ADAM9: variants seen among roughly 807,000 people sequenced by gnomAD.
ADAM9 encodes ADAM metallopeptidase domain 9.
A neutral mutation model predicts 108.1 loss-of-function variants in ADAM9; 54 were observed. That is an observed-to-expected ratio of 0.50 (90% CI 0.40 to 0.63). The LOEUF (loss-of-function observed/expected upper bound fraction) is 0.63, where lower values mean the gene tolerates loss of function less well. Ranked by LOEUF, ADAM9 falls within the 20% of genes least tolerant of loss-of-function variation. ADAM9 has a pLI of 0.00. For missense variants in ADAM9, 830 were observed against 997.7 expected (o/e 0.83, Z 2.26); for synonymous variants, 316 against 336.0 (o/e 0.94, Z 0.65).
In ADAM9 at chr8:39,054,472, T is replaced by G; in HGVS notation, c.1303-9T>G. ...AATTTCTTTATTGACAGTCATTTTA[T>G]GTTCACAGGAATGTGAATTGGACCC... On this transcript the variant is annotated splice_polypyrimidine_tract_variant and intron_variant, in intron 12 of 21. Coordinates refer to ENST00000487273, the MANE Select transcript of ADAM9 (RefSeq NM_003816.3). 6.2e-7 allele frequency: 1 copy of G among 1,608,620 alleles called. No individual in the cohort carries two copies. Among genetic ancestry groups the G allele is most frequent in the Non-Finnish European group, 8.5e-7 (1 of 1,175,624 alleles).
chr8:39,006,657 C>T (rs1198091034), intron 1 of ADAM9, among the ~76,000 whole-genome samples: 1 of 151,564 alleles, frequency 6.6e-6, no homozygotes, highest in African/African-American at 2.4e-5. Flanking sequence ...ATTGGACTCC[C>T]ACATGGTGTG....
chr8:39,000,099 A>G (rs1835948939), intron 1 of ADAM9, among the ~76,000 whole-genome samples: 1 of 151,036 alleles, frequency 6.6e-6, no homozygotes, highest in Admixed American at 6.6e-5. Flanking sequence ...ATCTCGGCCC[A>G]CTGCAACCTT....
intron 14 of ADAM9, among the ~76,000 whole-genome samples, chr8:39,060,828 GA>G (rs1838276087): frequency 6.6e-6 from 1 of 152,204 alleles, no homozygotes; most frequent in African/African-American, 2.4e-5. Context: ...TCCTAAGTAG[GA>G]CAGTGAAGGT....
intron 20 of ADAM9, among the ~76,000 whole-genome samples, chr8:39,101,561 AATTATTTAAAAT>A (rs1312793280): frequency 6.6e-6 from 1 of 152,230 alleles, no homozygotes; most frequent in Non-Finnish European, 1.5e-5. Context: ...TTATGCACAA[AATTATTTAAAAT>A]ATTGTATAAA....
chr8:39,043,782 C>T (rs910011772), intron 12 of ADAM9, among the ~76,000 whole-genome samples: 12 of 152,166 alleles, frequency 7.9e-5, no homozygotes, highest in African/African-American at 1.2e-4. Context: ...CCCTCCCATG[C>T]TCCCACTTTT....
intron 11 of ADAM9, among the ~76,000 whole-genome samples, chr8:39,038,628 G>C (rs1837359035): frequency 6.6e-6 from 1 of 152,062 alleles, no homozygotes; most frequent in African/African-American, 2.4e-5. Context: ...AGGGATTTTT[G>C]TCTGCTATGT....
chr8:39,011,092 CAAA>C (rs34155093), intron 2 of ADAM9, among the ~76,000 whole-genome samples: 1 of 72,932 alleles, frequency 1.4e-5, no homozygotes, highest in Non-Finnish European at 3.0e-5. Context: ...GACTCCATCT[CAAA>C]AAAAAAAAAA....
At chr8:39,043,989 G>T (rs1837533567) in intron 12 of ADAM9, among the ~76,000 whole-genome samples, 1 of 152,032 alleles carries the variant, frequency 6.6e-6, no homozygotes, top group African/African-American at 2.4e-5. Context: ...TGTATATTTT[G>T]AAAGTTTACC....
intron 12 of ADAM9, among the ~76,000 whole-genome samples, chr8:39,051,374 A>G (rs887907183): frequency 6.6e-6 from 1 of 152,188 alleles, no homozygotes; most frequent in Non-Finnish European, 1.5e-5. Flanking sequence ...CCTGGGATGT[A>G]GTAGCCTCTC....
intron 16 of ADAM9, 151 bp from the exon 17 acceptor site, chr8:39,082,490 A>AT: frequency 1.7e-6 from 1 of 602,644 alleles, no homozygotes; most frequent in African/African-American, 1.9e-5. Flanking sequence ...ATTTTTCTGC[A>AT]TTTTTAAAAA....
At chr8:39,062,819 G>A (rs960519923) in intron 14 of ADAM9, among the ~76,000 whole-genome samples, 6 of 152,176 alleles carry the variant, frequency 3.9e-5, no homozygotes, top group Admixed American at 1.3e-4. Flanking sequence ...GGTGAAAGGT[G>A]TGTTTTCTGG....
chr8:39,014,478 T>A, intron 4 of ADAM9: 1 of 676,450 alleles, frequency 1.5e-6, no homozygotes, highest in African/African-American at 1.8e-5. Context: ...CTGAAAATAA[T>A]TGTTTCCTAA....
chr8:39,018,553 C>G, intron 6 of ADAM9: 1 of 350,412 alleles, frequency 2.9e-6, no homozygotes, highest in South Asian at 3.6e-5. Flanking sequence ...CCCATTTTAT[C>G]TGTAACTAAC....
At chr8:39,036,543 A>G (rs1837281332) in intron 11 of ADAM9, among the ~76,000 whole-genome samples, 1 of 152,144 alleles carries the variant, frequency 6.6e-6, no homozygotes, top group Admixed American at 6.5e-5. Flanking sequence ...CCATTTTGGG[A>G]AAATCACCTA....
intron 3 of ADAM9, 31 bp downstream of exon 3, chr8:39,011,747 G>A: frequency 6.4e-7 from 1 of 1,570,586 alleles, no homozygotes; most frequent in South Asian, 1.1e-5. Context: ...TGGCTTTTCA[G>A]TAATGTTTTT....
At chr8:39,063,957 G>A (rs1838377046) in intron 14 of ADAM9, among the ~76,000 whole-genome samples, 1 of 152,142 alleles carries the variant, frequency 6.6e-6, no homozygotes. Flanking sequence ...CGGCGATATG[G>A]CTGTCCTTTA....
Position 39,026,696 on chromosome 8 carries a change from A to C in ADAM9, c.1016A>C (p.Glu339Ala). ...GINVFGQITV[E>A]TFASIVAHEL... is the part of the protein sequence containing the mutation. The stretch of plus-strand genomic sequence containing the variant: ...GAACAGTTTGGACAAATCACTGTGG[A>C]GACATTTGCTTCCATTGTTGCTCAT... The change falls in exon 11 of 22, where the codon GAG (glutamate) becomes GCG (alanine). Residue 339 changes from glutamate (E) to alanine (A), a missense_variant. Transcript: ENST00000487273. 1.2e-6 allele frequency: 2 copies of C among 1,614,190 alleles called. No homozygotes were observed. Among genetic ancestry groups the C allele is most frequent in the Non-Finnish European group, 1.7e-6 (2 of 1,180,026 alleles).
At chr8:39,025,280 A>G (rs1836883227) in intron 9 of ADAM9, among the ~76,000 whole-genome samples, 1 of 151,942 alleles carries the variant, frequency 6.6e-6, no homozygotes, top group Non-Finnish European at 1.5e-5. Context: ...TTTTTTTAGT[A>G]GAGATGGGGT....
At chr8:39,025,914 T>A in intron 10 of ADAM9, 30 bp downstream of exon 10, 3 of 1,591,488 alleles carry the variant, frequency 1.9e-6, no homozygotes, top group Non-Finnish European at 1.7e-6. Context: ...TAACTTTGGA[T>A]GTTTGCACTG....
Sources: gnomAD v4.1 joint callset for allele counts (sites outside exome capture counted in the v4.1 genomes callset) on GRCh38, gnomAD v4.1.1 for gene constraint, MANE v1.5 for transcripts, NCBI Gene and HGNC (gene_info 2026-07-23, HGNC 2026-07-21) for gene names.